Variants in PSD3 observed in about 807,000 individuals in gnomAD.
The protein encoded by PSD3 is PH and SEC7 domain-containing protein 3.
PSD3 carries 49 observed loss-of-function variants against 105.5 expected under a neutral mutation model. The observed-to-expected ratio is 0.46, with a 90% CI of 0.37 to 0.59. The LOEUF (loss-of-function observed/expected upper bound fraction) is 0.59, where lower values mean the gene tolerates loss of function less well. Ranked by LOEUF, PSD3 falls within the 20% of genes least tolerant of loss-of-function variation. The probability of loss-of-function intolerance (pLI) is 0.00; values close to 1 mark genes in which losing one functional copy is unlikely to be tolerated. For missense variants in PSD3, 1,561 were observed against 1,263.8 expected (o/e 1.24, Z -3.57); for synonymous variants, 557 against 457.8 (o/e 1.22, Z -2.77).
chr8:18,738,489 T>C (rs1193805019), intron 9 of PSD3, among the ~76,000 whole-genome samples: 1 of 152,210 alleles, frequency 6.6e-6, no homozygotes, highest in Non-Finnish European at 1.5e-5. Context: ...GCTTTTCCTG[T>C]GGACAGAATC....
intron 9 of PSD3, among the ~76,000 whole-genome samples, chr8:18,657,586 G>A (rs1354533029): frequency 6.6e-6 from 1 of 152,200 alleles, no homozygotes; most frequent in Admixed American, 6.5e-5. Context: ...GAAGAACTCA[G>A]GATTACTGAA....
At chr8:18,697,871 C>T (rs191588249) in intron 9 of PSD3, among the ~76,000 whole-genome samples, 244 of 152,304 alleles carry the variant, frequency 1.6e-3, no homozygotes, top group African/African-American at 5.6e-3. Context: ...TCCATTTCAT[C>T]GTTGCATCAC....
At chr8:18,671,639 G>GTTT (rs113161494) in intron 9 of PSD3, among the ~76,000 whole-genome samples, 5 of 145,532 alleles carry the variant, frequency 3.4e-5, no homozygotes, top group African/African-American at 1.3e-4. Flanking sequence ...TTTGTTTTTT[G>GTTT]TTTTTTTTTT....
intron 12 of PSD3, among the ~76,000 whole-genome samples, chr8:18,585,837 G>A (rs571692196): frequency 6.6e-6 from 1 of 152,202 alleles, no homozygotes; most frequent in Non-Finnish European, 1.5e-5. Context: ...GTTCGCAGAG[G>A]ATAATTAACT....
chr8:18,899,850 T>C (rs1052028278), intron 2 of PSD3, among the ~76,000 whole-genome samples: 2 of 152,168 alleles, frequency 1.3e-5, no homozygotes, highest in Admixed American at 1.3e-4. Context: ...TAGAAATTTA[T>C]AGACAAGGGC....
At chr8:18,911,731 T>C (rs1307118882) in intron 2 of PSD3, among the ~76,000 whole-genome samples, 2 of 152,088 alleles carry the variant, frequency 1.3e-5, no homozygotes, top group African/African-American at 4.8e-5. Flanking sequence ...AACTCAGGGA[T>C]ATATATATAG....
At chr8:18,853,992 T>C (rs1040757412) in intron 4 of PSD3, 2 of 151,572 alleles carry the variant, frequency 1.3e-5, no homozygotes, top group African/African-American at 2.4e-5. Flanking sequence ...TGCTTTTCAT[T>C]TGAAATAATC....
At position 18,572,620 on chromosome 8, in the gene PSD3, C is replaced by A; in HGVS notation, c.2692G>T (p.Val898Leu). The part of the protein sequence containing the change: ...WINKINCVAA[V>L]FSAPPFPAAI... Reference sequence around the variant, plus strand: ...GCTGGAAATGGTGGTGCAGAAAATACAGCTGCCACACAATTGATTTTGTTT... The same window carrying A: ...GCTGGAAATGGTGGTGCAGAAAATAAAGCTGCCACACAATTGATTTTGTTT... The change falls in exon 14 of 16, where the codon GTA becomes TTA. Residue 898 changes from valine (V) to leucine (L), a missense_variant. Physicochemically the swap from Val to Leu is conservative, Grantham distance 32. Coordinates refer to ENST00000327040, the MANE Select transcript of PSD3 (RefSeq NM_015310.4). 6.2e-7 allele frequency: 1 copy of A among 1,614,016 alleles called. No homozygotes were observed. The highest frequency in any genetic ancestry group is 8.5e-7 in the Non-Finnish European group (1 of 1,179,922).
At chr8:18,860,387 G>T (rs944021012) in intron 4 of PSD3, among the ~76,000 whole-genome samples, 11 of 151,720 alleles carry the variant, frequency 7.3e-5, no homozygotes, top group African/African-American at 2.7e-4. Flanking sequence ...CAAAAAGTGA[G>T]CACCTGTTAT....
intron 9 of PSD3, among the ~76,000 whole-genome samples, chr8:18,672,534 T>C (rs1799841699): frequency 6.6e-6 from 1 of 152,210 alleles, no homozygotes; most frequent in Non-Finnish European, 1.5e-5. Flanking sequence ...TCAAATTTCA[T>C]AAACAGGAAA....
chr8:18,813,311 A>G (rs1198526903), intron 4 of PSD3, among the ~76,000 whole-genome samples: 1 of 152,212 alleles, frequency 6.6e-6, no homozygotes, highest in Non-Finnish European at 1.5e-5. Flanking sequence ...GTGGAAGACC[A>G]GGAGTTTGGT....
At chr8:18,634,025 G>C (rs554278363) in intron 10 of PSD3, among the ~76,000 whole-genome samples, 1 of 151,998 alleles carries the variant, frequency 6.6e-6, no homozygotes, top group Non-Finnish European at 1.5e-5. Context: ...TAGTGACGCC[G>C]AGTATTTTTT....
intron 11 of PSD3, among the ~76,000 whole-genome samples, chr8:18,609,951 A>G (rs1316732200): frequency 3.9e-5 from 6 of 152,230 alleles, no homozygotes; most frequent in Non-Finnish European, 1.5e-5. Flanking sequence ...GTCACACAGT[A>G]TTCCAGTATT....
intron 9 of PSD3, among the ~76,000 whole-genome samples, chr8:18,705,058 AAATAGTATGG>A (rs1801807622): frequency 6.6e-6 from 1 of 152,160 alleles, no homozygotes; most frequent in Non-Finnish European, 1.5e-5. Flanking sequence ...ACTGGCCCAG[AAATAGTATGG>A]AACACCCTTC....
intron 8 of PSD3, among the ~76,000 whole-genome samples, chr8:18,769,492 A>T (rs1585905962): frequency 6.6e-6 from 1 of 152,352 alleles, no homozygotes; most frequent in East Asian, 1.9e-4. Context: ...TCTTTATTAA[A>T]ATACAATTCA....
At chr8:19,028,286 C>CA (rs1286689928) in intron 1 of PSD3, among the ~76,000 whole-genome samples, 1 of 114,220 alleles carries the variant, frequency 8.8e-6, no homozygotes, top group South Asian at 3.0e-4. Flanking sequence ...CCACCCCCCC[C>CA]CCCCGGCCCA....
chr8:18,858,997 G>A (rs1481191763), intron 4 of PSD3, among the ~76,000 whole-genome samples: 1 of 152,082 alleles, frequency 6.6e-6, no homozygotes, highest in Non-Finnish European at 1.5e-5. Flanking sequence ...AACTGACTTT[G>A]CCCAGATCCA....
intron 1 of PSD3, among the ~76,000 whole-genome samples, chr8:18,962,589 T>C (rs11204006): frequency 6.6e-6 from 1 of 151,962 alleles, no homozygotes; most frequent in South Asian, 2.1e-4. Context: ...AGGTTGAGAA[T>C]GGGTTAGAGT....
At chr8:18,573,942 C>A (rs902890023) in intron 13 of PSD3, among the ~76,000 whole-genome samples, 29 of 152,006 alleles carry the variant, frequency 1.9e-4, no homozygotes, top group African/African-American at 7.0e-4. Context: ...TTTTATGGTA[C>A]GTAAAGCATA....
Sources: gnomAD v4.1 joint callset for allele counts (sites outside exome capture counted in the v4.1 genomes callset) on GRCh38, gnomAD v4.1.1 for gene constraint, MANE v1.5 for transcripts, NCBI Gene and HGNC (gene_info 2026-07-23, HGNC 2026-07-21) for gene names.